The following TIPRL variants were observed in gnomAD, a reference collection of about 807,000 sequenced individuals.
The protein encoded by TIPRL is TIP41-like protein.
A neutral mutation model predicts 32.3 loss-of-function variants in TIPRL; 10 were observed. That is an observed-to-expected ratio of 0.31 (90% CI 0.19 to 0.52). The LOEUF (loss-of-function observed/expected upper bound fraction) is 0.52. TIPRL is among the 20% of genes least tolerant of loss of function. The pLI, the probability that TIPRL is intolerant of heterozygous loss-of-function variation, is 0.96. For synonymous variants in TIPRL, 100 were observed against 114.0 expected, an observed-to-expected ratio of 0.88 and a Z score of 0.78; for missense variants, 250 against 328.1, an observed-to-expected ratio of 0.76 and a Z score of 1.84.
rs893043574 is a variant in TIPRL, at chr1:168,196,714, G to T, written c.612+72G>T. 1.1e-5 allele frequency: 12 copies of T among 1,086,898 alleles called. No individual in the cohort carries two copies. In the African/African-American group the frequency reaches 1.9e-4, roughly 18 times the overall value. 67.3% of individuals were successfully genotyped at this position (1,086,898 alleles called of 1,614,324 possible). Reference sequence around the variant, plus strand: ...TTGTGTTGTTTAATTGTCAATCTGAGAATTTGAAATTAAACAATCTATATT... The same window carrying T: ...TTGTGTTGTTTAATTGTCAATCTGATAATTTGAAATTAAACAATCTATATT... On this transcript the variant is annotated intron_variant, in intron 5 of 6. Transcript: ENST00000367833.
chr1:168,180,575 C>A (rs1021802284), intron 1 of TIPRL, among the ~76,000 whole-genome samples: 32 of 152,014 alleles, frequency 2.1e-4, no homozygotes, highest in African/African-American at 7.7e-4. Context: ...TAAAATAGAA[C>A]CCTAAGTGAG....
chr1:168,180,059 G>T (rs891074447), intron 1 of TIPRL, among the ~76,000 whole-genome samples: 12 of 152,260 alleles, frequency 7.9e-5, no homozygotes, highest in Admixed American at 7.2e-4. Context: ...CAACCACTGG[G>T]TGTAATTTTA....
chr1:168,196,405 A>G lies in TIPRL; in HGVS notation c.517-142A>G, dbSNP rs990383055. The G allele has an allele frequency of 5.0e-5, 25 of 495,728 alleles. No individual in the cohort carries two copies. In the Admixed American group the frequency reaches 5.1e-4, roughly 10 times the overall value. 30.7% of individuals were successfully genotyped at this position (495,728 alleles called of 1,614,324 possible). ...GTTGGAGCTAGGACAAAGAGCTTCT[A>G]GTTGAGAGATTTTTATAAACTGTGA... On this transcript the variant is annotated intron_variant, in intron 4 of 6. Coordinates refer to ENST00000367833, the MANE Select transcript of TIPRL (RefSeq NM_152902.5).
intron 3 of TIPRL, among the ~76,000 whole-genome samples, chr1:168,185,314 C>T (rs1700013285): frequency 6.6e-6 from 1 of 152,126 alleles, no homozygotes; most frequent in Admixed American, 6.5e-5. Flanking sequence ...CCTGAAATGA[C>T]TTTAGGAAGT....
At position 168,184,869 on chromosome 1, in the gene TIPRL, T is replaced by G. The variant is rs201492707; in HGVS notation, c.375T>G (p.Leu125=). 249 of 1,598,508 alleles carry G rather than the reference T, an allele frequency of 1.6e-4. No individual in the cohort carries two copies. The highest frequency in any genetic ancestry group is 3.0e-5 in the Non-Finnish European group (35 of 1,167,150). The part of the protein sequence containing the change: ...DYKGTLLGES[L]KLKVVPTTDH... Reference sequence around the variant, plus strand: ...AGGGAACCTTACTTGGAGAATCTCTTAAGTTAAAGGTAAATCTTACTTTTT... The same window carrying G: ...AGGGAACCTTACTTGGAGAATCTCTGAAGTTAAAGGTAAATCTTACTTTTT... Residue 125 remains leucine (L), a synonymous_variant, in exon 3 of 7, where the codon CTT becomes CTG. Coordinates refer to ENST00000367833, the MANE Select transcript of TIPRL (RefSeq NM_152902.5).
rs577098607 is a variant in TIPRL at position 168,182,354 on chromosome 1, G to A, written c.105-1548G>A. 2.6e-5 allele frequency among the ~76,000 whole-genome samples: 4 copies of A among 152,172 alleles called. No individual in the cohort carries two copies. The South Asian group carries it at 6.2e-4, about 24-fold the overall frequency. On this transcript the variant is annotated intron_variant, in intron 1 of 6. Coordinates refer to ENST00000367833, the MANE Select transcript of TIPRL (RefSeq NM_152902.5). ...AATAGGGCATTTTCAGGCCGGGCGC[G>A]GTGACTCACGCCTGTAATCCCAGCA...
intron 1 of TIPRL, among the ~76,000 whole-genome samples, chr1:168,180,820 C>CTTTTTTTTTTTTTTTTTTTTTTTTT (rs71118909): frequency 8.1e-6 from 1 of 124,166 alleles, no homozygotes; most frequent in Non-Finnish European, 1.7e-5. Context: ...TTTTTTATAA[C>CTTTTTTTTTTTTTTTTTTTTTTTTT]TTTTTTTTTT....
intron 5 of TIPRL, among the ~76,000 whole-genome samples, chr1:168,197,130 A>G (rs1014138007): frequency 5.3e-5 from 8 of 152,148 alleles, no homozygotes; most frequent in African/African-American, 1.9e-4. Flanking sequence ...CCTGGCCAAC[A>G]TGGTGAAACC....
rs1572439386 is a variant in TIPRL, at chr1:168,201,694, C to T, written c.*1648C>T. 6.6e-6 allele frequency: 1 copy of T among 151,500 alleles called. No homozygotes were observed. Among genetic ancestry groups the T allele is most frequent in the African/African-American group, 2.4e-5 (1 of 41,268 alleles). The allele number at this position is 151,500 out of a possible 1,614,324, so 9.4% of individuals were successfully genotyped here. A position where few individuals can be genotyped will look rare whatever the true frequency, so the allele number is the denominator to read the frequency against. ...ATTTGCCATTGAGATTAGAATAGAA[C>T]AGGCTCTATTCATGCAAACTATATG... On this transcript the variant is annotated 3_prime_UTR_variant, in exon 7 of 7. Transcript: ENST00000367833.
At chr1:168,179,325 A>T in intron 1 of TIPRL, 144 bp downstream of exon 1, 2 of 663,754 alleles carry the variant, frequency 3.0e-6, no homozygotes, top group Non-Finnish European at 5.2e-6. Flanking sequence ...GACAACTTCG[A>T]TAAATAATCC....
chr1:168,197,071 T>A (rs1329854571), intron 5 of TIPRL, among the ~76,000 whole-genome samples: 3 of 152,180 alleles, frequency 2.0e-5, no homozygotes, highest in Non-Finnish European at 4.4e-5. Flanking sequence ...CCCGGCACTT[T>A]GGGAGGCCGA....
At chr1:168,189,402 A>G (rs182772226) in intron 3 of TIPRL, among the ~76,000 whole-genome samples, 3 of 152,042 alleles carry the variant, frequency 2.0e-5, no homozygotes, top group Non-Finnish European at 2.9e-5. Context: ...CTGGAGTGCA[A>G]TGGTGTGATC....
chr1:168,194,871 T>C (rs1179237508), intron 4 of TIPRL, among the ~76,000 whole-genome samples: 3 of 152,188 alleles, frequency 2.0e-5, no homozygotes, highest in Non-Finnish European at 4.4e-5. Flanking sequence ...TCCACCACCA[T>C]GGAGCCTACA....
rs374041741 is a variant in TIPRL, at chr1:168,183,883, G to A, written c.105-19G>A. Reference sequence around the variant, plus strand: ...ACAGCGATATAAAATTATCTCACCCGACTTTTGGTTACGTATAGATTAGCC... The same window carrying A: ...ACAGCGATATAAAATTATCTCACCCAACTTTTGGTTACGTATAGATTAGCC... On this transcript the variant is annotated intron_variant, in intron 1 of 6. Coordinates refer to ENST00000367833, the MANE Select transcript of TIPRL (RefSeq NM_152902.5). 325 of 1,594,402 alleles carry A rather than the reference G, an allele frequency of 2.0e-4. 6 individuals are homozygous for A. The South Asian group carries it at 2.7e-3, about 13-fold the overall frequency.
At chr1:168,199,762 C>G (rs547120553) in intron 6 of TIPRL, 141 bp from the exon 7 acceptor site, 3 of 673,478 alleles carry the variant, frequency 4.5e-6, no homozygotes, top group Non-Finnish European at 7.1e-6. Context: ...TCAAGAAATA[C>G]CTATTATTTT....
rs1400807446 is a variant in TIPRL at position 168,200,887 on chromosome 1, A to C, written c.*841A>C. On this transcript the variant is annotated 3_prime_UTR_variant, in exon 7 of 7. Coordinates refer to ENST00000367833, the MANE Select transcript of TIPRL (RefSeq NM_152902.5). ...GGGTTTATTAGGGGTTGTTTTTCGCAAATATTACATCAATCCTTAAAGCAA... is the reference window on the plus strand; with the variant it reads ...GGGTTTATTAGGGGTTGTTTTTCGCCAATATTACATCAATCCTTAAAGCAA... 6.6e-6 allele frequency: 1 copy of C among 152,160 alleles called. No individual in the cohort carries two copies. Among genetic ancestry groups the C allele is most frequent in the African/African-American group, 2.4e-5 (1 of 41,460 alleles). 9.4% of individuals were successfully genotyped at this position (152,160 alleles called of 1,614,324 possible).
chr1:168,190,190 A>G (rs769919231), intron 3 of TIPRL, among the ~76,000 whole-genome samples: 19 of 151,782 alleles, frequency 1.3e-4, no homozygotes, highest in Non-Finnish European at 2.4e-4. Context: ...CTGCCCCTAC[A>G]CTCCAACTCC....
In TIPRL at chr1:168,196,661, T is replaced by A. The variant is rs1700156222; in HGVS notation, c.612+19T>A. ...CCATGAGGTATTTATTGTTGTTTAA[T>A]GAATATACTAATTGATACTGGGCTT... On this transcript the variant is annotated intron_variant, in intron 5 of 6. Coordinates refer to ENST00000367833, the MANE Select transcript of TIPRL (RefSeq NM_152902.5). 1 of 1,514,272 alleles carries A rather than the reference T, an allele frequency of 6.6e-7. No individual in the cohort carries two copies. The highest frequency in any genetic ancestry group is 9.0e-7 in the Non-Finnish European group (1 of 1,109,326). 93.8% of individuals were successfully genotyped at this position (1,514,272 alleles called of 1,614,324 possible).
chr1:168,190,136 A>T (rs1011229977), intron 3 of TIPRL, among the ~76,000 whole-genome samples: 4 of 152,142 alleles, frequency 2.6e-5, no homozygotes, highest in Non-Finnish European at 5.9e-5. Context: ...TTGTTTAACT[A>T]GATCATAAAC....
Sources: allele counts gnomAD v4.1 joint callset (sites outside exome capture counted in the v4.1 genomes callset), GRCh38; gene constraint gnomAD v4.1.1; transcripts MANE v1.5; gene names NCBI Gene and HGNC (gene_info 2026-07-23, HGNC 2026-07-21).